Variants in CPQ observed in about 807,000 individuals in gnomAD.
The protein encoded by CPQ is carboxypeptidase Q, also known as Ser-Met dipeptidase.
A neutral mutation model predicts 45.7 loss-of-function variants in CPQ; 37 were observed. The observed-to-expected ratio is 0.81, with a 90% CI of 0.62 to 1.07. CPQ has a LOEUF of 1.07. Among genes scored for constraint, CPQ ranks in the 50% least tolerant of loss-of-function variants. The pLI is 0.00. For synonymous variants in CPQ, 186 were observed against 205.8 expected, an observed-to-expected ratio of 0.90 and a Z score of 0.82; for missense variants, 537 against 572.9, an observed-to-expected ratio of 0.94 and a Z score of 0.64.
chr8:96,972,886 A>G (rs1259524925), intron 5 of CPQ, among the ~76,000 whole-genome samples: 1 of 152,178 alleles, frequency 6.6e-6, no homozygotes, highest in Non-Finnish European at 1.5e-5. Context: ...TCTGATTAGC[A>G]GCCCTGAATC....
intron 3 of CPQ, among the ~76,000 whole-genome samples, chr8:96,876,326 T>C (rs1812144739): frequency 6.6e-6 from 1 of 152,062 alleles, no homozygotes; most frequent in Non-Finnish European, 1.5e-5. Context: ...TAGAATAAGA[T>C]TTTGTTAAAA....
chr8:96,972,723 C>T (rs1299122586), intron 5 of CPQ, among the ~76,000 whole-genome samples: 1 of 152,216 alleles, frequency 6.6e-6, no homozygotes, highest in East Asian at 1.9e-4. Context: ...TTTGCAGACA[C>T]TCTCCAGTAC....
rs541160388 is a variant in CPQ at position 96,937,537 on chromosome 8, T to C, written c.850-28398T>C. Among the ~76,000 whole-genome samples, 83 of 152,266 alleles carry C rather than the reference T, an allele frequency of 5.5e-4. 1 individual carries two copies. The highest frequency in any genetic ancestry group is 2.0e-3 in the African/African-American group (82 of 41,570). On this transcript the variant is annotated intron_variant, in intron 4 of 7. Coordinates refer to ENST00000220763, the MANE Select transcript of CPQ (RefSeq NM_016134.4). ...AGAGGAGATAGTAGTACTGGAAGTCTGCCAGACCTTAGACCTTAGGAGAGA... is the reference window on the plus strand; with the variant it reads ...AGAGGAGATAGTAGTACTGGAAGTCCGCCAGACCTTAGACCTTAGGAGAGA...
intron 1 of CPQ, among the ~76,000 whole-genome samples, chr8:96,733,969 A>T (rs762370090): frequency 2.5e-4 from 38 of 152,106 alleles, no homozygotes; most frequent in Non-Finnish European, 5.4e-4. Flanking sequence ...CTCCCCACAT[A>T]TGCTTCTCTG....
At chr8:97,001,762 T>C (rs2130425592) in intron 5 of CPQ, among the ~76,000 whole-genome samples, 1 of 150,388 alleles carries the variant, frequency 6.6e-6, no homozygotes, top group South Asian at 2.1e-4. Context: ...TGCCAGGCTT[T>C]GTTATCAGGA....
intron 6 of CPQ, among the ~76,000 whole-genome samples, chr8:97,032,110 C>T (rs565484245): frequency 6.6e-6 from 1 of 152,290 alleles, no homozygotes; most frequent in East Asian, 1.9e-4. Flanking sequence ...CCAACAATAT[C>T]CAGTTCACTC....
intron 1 of CPQ, among the ~76,000 whole-genome samples, chr8:96,760,247 A>G (rs1200167997): frequency 6.6e-6 from 1 of 152,322 alleles, no homozygotes; most frequent in East Asian, 1.9e-4. Flanking sequence ...AAGGCAGAGA[A>G]AGTGAAGGGA....
intron 1 of CPQ, among the ~76,000 whole-genome samples, chr8:96,663,743 T>G (rs1236751748): frequency 6.6e-6 from 1 of 152,148 alleles, no homozygotes; most frequent in Non-Finnish European, 1.5e-5. Flanking sequence ...GAACAAATAT[T>G]GTGTGTGTAG....
At chr8:96,803,171 G>A (rs1331947746) in intron 2 of CPQ, among the ~76,000 whole-genome samples, 1 of 152,200 alleles carries the variant, frequency 6.6e-6, no homozygotes. Context: ...ACCAAAAAAT[G>A]CTGAGGGCAG....
At chr8:96,772,120 T>G (rs1810551101) in intron 1 of CPQ, among the ~76,000 whole-genome samples, 1 of 152,010 alleles carries the variant, frequency 6.6e-6, no homozygotes, top group Admixed American at 6.6e-5. Context: ...ATAACTGTTG[T>G]AACAAAGAGA....
intron 3 of CPQ, among the ~76,000 whole-genome samples, chr8:96,836,617 A>T (rs1425434664): frequency 6.6e-6 from 1 of 152,188 alleles, no homozygotes; most frequent in African/African-American, 2.4e-5. Context: ...TAACATATTC[A>T]GCAAGCTGTG....
intron 5 of CPQ, among the ~76,000 whole-genome samples, chr8:97,022,022 A>T (rs1253406552): frequency 6.6e-6 from 1 of 152,134 alleles, no homozygotes; most frequent in Non-Finnish European, 1.5e-5. Flanking sequence ...CATGGTACTG[A>T]CATGAAATTA....
chr8:97,082,139 G>A (rs1482724968), intron 7 of CPQ, among the ~76,000 whole-genome samples: 1 of 152,114 alleles, frequency 6.6e-6, no homozygotes, highest in Non-Finnish European at 1.5e-5. Flanking sequence ...GTTTGATTTG[G>A]CCTCAGATTT....
intron 1 of CPQ, among the ~76,000 whole-genome samples, chr8:96,724,930 A>G (rs1390822372): frequency 6.6e-6 from 1 of 152,222 alleles, no homozygotes; most frequent in Non-Finnish European, 1.5e-5. Flanking sequence ...ATAAAGCTGC[A>G]CAACTACAAC....
intron 1 of CPQ, among the ~76,000 whole-genome samples, chr8:96,668,580 A>C (rs533266873): frequency 1.3e-5 from 2 of 152,358 alleles, no homozygotes; most frequent in Admixed American, 1.3e-4. Flanking sequence ...TGCATTTTAC[A>C]CAGTGTGTTG....
chr8:96,978,857 A>G (rs1351482749), intron 5 of CPQ, among the ~76,000 whole-genome samples: 1 of 152,158 alleles, frequency 6.6e-6, no homozygotes, highest in Non-Finnish European at 1.5e-5. Flanking sequence ...TTGCAATGGT[A>G]TCATCACTGT....
intron 3 of CPQ, among the ~76,000 whole-genome samples, chr8:96,878,040 G>A (rs1318731062): frequency 6.6e-6 from 1 of 151,966 alleles, no homozygotes; most frequent in Non-Finnish European, 1.5e-5. Context: ...TCGGCTCACT[G>A]CAAGCTCCAC....
chr8:96,968,559 T>C (rs1189213501), intron 5 of CPQ, among the ~76,000 whole-genome samples: 2 of 152,352 alleles, frequency 1.3e-5, no homozygotes, highest in East Asian at 1.9e-4. Context: ...ATCTGTTTAA[T>C]TGGTAAAATG....
chr8:96,888,437 T>A (rs1179346676), intron 4 of CPQ, among the ~76,000 whole-genome samples: 2 of 152,048 alleles, frequency 1.3e-5, no homozygotes, highest in Admixed American at 6.5e-5. Flanking sequence ...TGAAAAAAAA[T>A]ACTTAAAGAT....
Sources: gnomAD v4.1 joint callset for allele counts (sites outside exome capture counted in the v4.1 genomes callset) on GRCh38, gnomAD v4.1.1 for gene constraint, MANE v1.5 for transcripts, NCBI Gene and HGNC (gene_info 2026-07-23, HGNC 2026-07-21) for gene names.